PDE3A: variants seen among roughly 807,000 people sequenced by gnomAD.
PDE3A encodes phosphodiesterase 3A.
Under a neutral mutation model 98.3 loss-of-function variants are expected in PDE3A, and 43 were observed. That is an observed-to-expected ratio of 0.44 (90% CI 0.34 to 0.56). The LOEUF (loss-of-function observed/expected upper bound fraction) is 0.56. Ranked by LOEUF, PDE3A falls within the 20% of genes least tolerant of loss-of-function variation. The probability of loss-of-function intolerance (pLI) is 0.01; values close to 1 mark genes in which losing one functional copy is unlikely to be tolerated. For missense variants in PDE3A, 1,427 were observed against 1,440.7 expected (o/e 0.99, Z 0.15); for synonymous variants, 663 against 567.9 (o/e 1.17, Z -2.38).
At chr12:20,643,724 A>G (rs1490080821) in intron 10 of PDE3A, among the ~76,000 whole-genome samples, 2 of 152,196 alleles carry the variant, frequency 1.3e-5, no homozygotes, top group Non-Finnish European at 2.9e-5. Flanking sequence ...TCAAGATTGT[A>G]CCAGCCTCAT....
chr12:20,525,547 A>G (rs6487104), intron 1 of PDE3A, among the ~76,000 whole-genome samples: 31,549 of 151,638 alleles, frequency 0.21, 4,043 homozygotes, highest in East Asian at 0.57. Context: ...CTTTCATTGA[A>G]GCAACAAGAA....
intron 1 of PDE3A, among the ~76,000 whole-genome samples, chr12:20,415,783 A>T (rs1394739461): frequency 6.6e-6 from 1 of 152,132 alleles, no homozygotes; most frequent in Non-Finnish European, 1.5e-5. Context: ...ATGCTGACAG[A>T]TGACTCAGGT....
At chr12:20,660,058 C>A (rs1285604899) in intron 15 of PDE3A, among the ~76,000 whole-genome samples, 9 of 152,076 alleles carry the variant, frequency 5.9e-5, no homozygotes, top group Admixed American at 5.9e-4. Flanking sequence ...TGGGAGGGAC[C>A]TGGTGGGAGG....
intron 1 of PDE3A, among the ~76,000 whole-genome samples, chr12:20,533,204 A>G (rs1203083127): frequency 6.6e-6 from 1 of 152,020 alleles, no homozygotes; most frequent in African/African-American, 2.4e-5. Flanking sequence ...TTTTTTCAAG[A>G]TAGTTATTTA....
Position 20,681,629 on chromosome 12 carries a change from C to T in PDE3A, c.*1358C>T, listed in dbSNP as rs1259726230. 1.3e-5 allele frequency: 2 copies of T among 152,130 alleles called. No homozygotes were observed. Among genetic ancestry groups the T allele is most frequent in the Non-Finnish European group, 2.9e-5 (2 of 68,020 alleles). The allele number at this position is 152,130 out of a possible 1,614,324, so 9.4% of individuals were successfully genotyped here. ...ACACGCTGTTTGTTGGGGTAGCTTC[C>T]ATCGGCAGTCTGGCCCATTGTCAGT... On this transcript the variant is annotated 3_prime_UTR_variant, in exon 16 of 16. Transcript: ENST00000359062.
At chr12:20,647,659 T>G (rs750415673) in intron 12 of PDE3A, among the ~76,000 whole-genome samples, 11 of 152,138 alleles carry the variant, frequency 7.2e-5, no homozygotes, top group Non-Finnish European at 1.5e-4. Context: ...TATTGACTTT[T>G]CTGTTTTCTT....
chr12:20,422,778 G>T (rs1311018467), intron 1 of PDE3A, among the ~76,000 whole-genome samples: 1 of 152,100 alleles, frequency 6.6e-6, no homozygotes, highest in South Asian at 2.1e-4. Flanking sequence ...TTTTAGAAAG[G>T]TTTGAATTTT....
chr12:20,525,450 A>C (rs971773906), intron 1 of PDE3A, among the ~76,000 whole-genome samples: 6 of 142,392 alleles, frequency 4.2e-5, no homozygotes, highest in Middle Eastern at 3.3e-3. Flanking sequence ...TTTAACATGG[A>C]AACATTCTGA....
At chr12:20,567,613 C>T (rs984574211) in intron 2 of PDE3A, among the ~76,000 whole-genome samples, 3 of 151,424 alleles carry the variant, frequency 2.0e-5, no homozygotes, top group African/African-American at 7.3e-5. Context: ...TGTGACTACT[C>T]CCCCCCACTT....
chr12:20,679,852 T>A (rs916211299), intron 15 of PDE3A, among the ~76,000 whole-genome samples, 178 bp from the exon 16 acceptor site: 4 of 148,444 alleles, frequency 2.7e-5, no homozygotes, highest in African/African-American at 9.8e-5. Flanking sequence ...AACTGCATTA[T>A]TATAATATAC....
intron 1 of PDE3A, among the ~76,000 whole-genome samples, chr12:20,535,229 T>C (rs1941717979): frequency 6.6e-6 from 1 of 152,218 alleles, no homozygotes; most frequent in Non-Finnish European, 1.5e-5. Flanking sequence ...ACCTAGGATT[T>C]CTCCTCATCC....
At chr12:20,476,775 A>T (rs1945538421) in intron 1 of PDE3A, among the ~76,000 whole-genome samples, 1 of 152,220 alleles carries the variant, frequency 6.6e-6, no homozygotes, top group South Asian at 2.1e-4. Context: ...AAGAGCAAAA[A>T]GATATGACAA....
At chr12:20,554,021 T>C (rs1320801282) in intron 1 of PDE3A, among the ~76,000 whole-genome samples, 1 of 151,432 alleles carries the variant, frequency 6.6e-6, no homozygotes, top group Non-Finnish European at 1.5e-5. Flanking sequence ...GAACACATTT[T>C]CTAAATGAAT....
intron 15 of PDE3A, among the ~76,000 whole-genome samples, chr12:20,668,812 G>A (rs1203515144): frequency 3.3e-5 from 5 of 151,894 alleles, no homozygotes; most frequent in Middle Eastern, 3.4e-3. Context: ...CCAAAGGAAC[G>A]CAGTTCCTCA....
At chr12:20,613,122 A>C (rs937784226) in intron 2 of PDE3A, among the ~76,000 whole-genome samples, 1 of 152,136 alleles carries the variant, frequency 6.6e-6, no homozygotes, top group African/African-American at 2.4e-5. Context: ...TGAGCTCTTC[A>C]TAAGGAGTGA....
chr12:20,637,764 G>A (rs1228817016), intron 9 of PDE3A, among the ~76,000 whole-genome samples: 1 of 152,038 alleles, frequency 6.6e-6, no homozygotes, highest in East Asian at 1.9e-4. Flanking sequence ...TTTGAGTATT[G>A]TTTTCTTTAG....
intron 1 of PDE3A, among the ~76,000 whole-genome samples, chr12:20,411,440 G>A (rs1944330728): frequency 6.6e-6 from 1 of 152,100 alleles, no homozygotes; most frequent in Non-Finnish European, 1.5e-5. Context: ...TTGGCATAAT[G>A]TATTCAAGGT....
chr12:20,452,647 C>G (rs1945086268), intron 1 of PDE3A, among the ~76,000 whole-genome samples: 1 of 152,146 alleles, frequency 6.6e-6, no homozygotes, highest in Non-Finnish European at 1.5e-5. Flanking sequence ...AAACTTTTTT[C>G]CATCTCAGGG....
intron 1 of PDE3A, among the ~76,000 whole-genome samples, chr12:20,517,641 T>A (rs781404323): frequency 1.5e-4 from 23 of 152,170 alleles, no homozygotes; most frequent in Non-Finnish European, 2.4e-4. Context: ...TATTTACAAA[T>A]AAGTAAAAAT....
Sources: gnomAD v4.1 joint callset for allele counts (sites outside exome capture counted in the v4.1 genomes callset) on GRCh38, gnomAD v4.1.1 for gene constraint, MANE v1.5 for transcripts, NCBI Gene and HGNC (gene_info 2026-07-23, HGNC 2026-07-21) for gene names.